ANO3: variants seen among roughly 807,000 people sequenced by gnomAD.
ANO3 encodes anoctamin-3.
Under a neutral mutation model 144.8 loss-of-function variants are expected in ANO3, and 99 were observed. The ratio of observed to expected loss-of-function variants is 0.68; its 90% CI spans 0.58 to 0.81. ANO3 has a LOEUF of 0.81. ANO3 is among the 30% of genes least tolerant of loss of function. The probability of loss-of-function intolerance (pLI) is 0.00; values close to 1 mark genes in which losing one functional copy is unlikely to be tolerated. For synonymous variants in ANO3, 414 were observed against 392.6 expected (o/e 1.05, Z -0.64); for missense variants, 905 against 1,202.2 (o/e 0.75, Z 3.66).
intron 1 of ANO3, among the ~76,000 whole-genome samples, chr11:26,247,635 G>C (rs1157165641): frequency 6.6e-6 from 1 of 151,024 alleles, no homozygotes; most frequent in African/African-American, 2.4e-5. Context: ...TTCAATTACT[G>C]TCTCTGTCTG....
rs920650469 is a variant in ANO3, at chr11:26,660,754, A to G, written c.*310A>G. On this transcript the variant is annotated 3_prime_UTR_variant, in exon 27 of 27. Transcript: ENST00000256737. ...TTCCATCAACTGCAGTGTAATGGGA[A>G]AGAGGGTGGTGAGGTTTTGAAAGAC... 2.3e-5 allele frequency: 6 copies of G among 258,830 alleles called. No homozygotes were observed. The highest frequency in any genetic ancestry group is 1.1e-3 in the Middle Eastern group (1 of 912). 16.0% of individuals were successfully genotyped at this position (258,830 alleles called of 1,614,324 possible).
intron 1 of ANO3, among the ~76,000 whole-genome samples, chr11:26,350,232 G>T (rs1855609339): frequency 1.3e-5 from 2 of 152,244 alleles, no homozygotes; most frequent in African/African-American, 4.8e-5. Context: ...CCTTTGGGAG[G>T]CATGAGTGAA....
chr11:26,442,830 G>A (rs142132129), intron 2 of ANO3, among the ~76,000 whole-genome samples: 347 of 152,256 alleles, frequency 2.3e-3, no homozygotes, highest in African/African-American at 7.6e-3. Context: ...GCAGTGGGAC[G>A]ATGTCGGCTC....
In ANO3 at chr11:26,248,564, A is replaced by G. The variant is rs114973051; in HGVS notation, c.154+59234A>G. Among the ~76,000 whole-genome samples, 1,339 of 152,282 alleles carry G rather than the reference A, an allele frequency of 8.8e-3. 20 individuals are homozygous for G. Among genetic ancestry groups the G allele is most frequent in the African/African-American group, 0.031 (1,285 of 41,556 alleles). Reference sequence around the variant, plus strand: ...ATTCATTACAACAAAAGACAAAAAGATTCCCTTTCAAGGAATCTTTTCAAC... The same window carrying G: ...ATTCATTACAACAAAAGACAAAAAGGTTCCCTTTCAAGGAATCTTTTCAAC... On this transcript the variant is annotated intron_variant, in intron 1 of 27. Transcript: ENST00000672621.
At chr11:26,413,142 A>G (rs1342081418) in intron 1 of ANO3, among the ~76,000 whole-genome samples, 2 of 152,008 alleles carry the variant, frequency 1.3e-5, no homozygotes, top group Non-Finnish European at 2.9e-5. Context: ...TATATTTACC[A>G]GTAGTACTGT....
At chr11:26,554,564 C>G (rs979983041) in intron 13 of ANO3, among the ~76,000 whole-genome samples, 1 of 152,052 alleles carries the variant, frequency 6.6e-6, no homozygotes, top group Non-Finnish European at 1.5e-5. Flanking sequence ...TATGAGAATT[C>G]CAGTTTTCTG....
chr11:26,415,993 T>G (rs1334614406), intron 1 of ANO3, among the ~76,000 whole-genome samples: 1 of 152,134 alleles, frequency 6.6e-6, no homozygotes, highest in Non-Finnish European at 1.5e-5. Flanking sequence ...CTTATTGTTT[T>G]CAGTTTGATA....
intron 1 of ANO3, among the ~76,000 whole-genome samples, chr11:26,336,696 A>G (rs1855202649): frequency 6.6e-6 from 1 of 152,058 alleles, no homozygotes. Flanking sequence ...CCTAACTGAC[A>G]TCCTTACAAT....
intron 7 of ANO3, among the ~76,000 whole-genome samples, chr11:26,530,478 TATCTATCTATCTATCTATCTATC>T (rs758072622): frequency 0.16 from 13,816 of 86,162 alleles, 798 homozygotes; most frequent in Middle Eastern, 0.27. Context: ...TCTATCTATC[TATCTATCTATCTATCTATCTATC>T]ATCTATCTAT....
chr11:26,598,535 T>G, intron 15 of ANO3, 88 bp downstream of exon 15: 1 of 892,084 alleles, frequency 1.1e-6, no homozygotes, highest in Non-Finnish European at 1.7e-6. Flanking sequence ...CTGGAAGCAG[T>G]TAACCACCAT....
chr11:26,414,838 T>G (rs1857534367), intron 1 of ANO3, among the ~76,000 whole-genome samples: 1 of 152,032 alleles, frequency 6.6e-6, no homozygotes, highest in African/African-American at 2.4e-5. Context: ...TTTTTTGTTT[T>G]CAATGATAAG....
chr11:26,415,741 A>C (rs1017340523), intron 1 of ANO3, among the ~76,000 whole-genome samples: 6 of 152,138 alleles, frequency 3.9e-5, no homozygotes, highest in African/African-American at 1.2e-4. Context: ...AAATACAGCC[A>C]GGCACATGTT....
intron 14 of ANO3, among the ~76,000 whole-genome samples, chr11:26,585,182 C>G (rs1219719995): frequency 1.3e-5 from 2 of 152,144 alleles, no homozygotes; most frequent in Admixed American, 6.5e-5. Flanking sequence ...AGGCAGCACA[C>G]ATTTCTTTGT....
intron 11 of ANO3, among the ~76,000 whole-genome samples, chr11:26,545,320 A>G (rs1259913723): frequency 1.3e-5 from 2 of 152,054 alleles, no homozygotes; most frequent in Non-Finnish European, 2.9e-5. Flanking sequence ...GTTCCTTAGT[A>G]GTGGATGGAA....
chr11:26,607,657 G>A (rs1424309218), intron 17 of ANO3, among the ~76,000 whole-genome samples: 1 of 152,160 alleles, frequency 6.6e-6, no homozygotes, highest in African/African-American at 2.4e-5. Flanking sequence ...CTCTTTGTAG[G>A]TCTCTAAGAA....
At chr11:26,397,752 C>A (rs1445507721) in intron 1 of ANO3, among the ~76,000 whole-genome samples, 1 of 151,884 alleles carries the variant, frequency 6.6e-6, no homozygotes, top group Non-Finnish European at 1.5e-5. Context: ...ATAAAAATGC[C>A]CACTGTAGTG....
At chr11:26,438,611 A>AAAAAAAAAAAAAAAAAAAAAAG (rs1858389741) in intron 1 of ANO3, among the ~76,000 whole-genome samples, 7 of 35,508 alleles carry the variant, frequency 2.0e-4, no homozygotes, top group Non-Finnish European at 4.1e-4. Context: ...AAAAAAAAGA[A>AAAAAAAAAAAAAAAAAAAAAAG]AAAAAAAAAA....
Position 26,202,328 on chromosome 11 carries a change from G to T in ANO3, c.154+12998G>T, listed in dbSNP as rs963542895. Among the ~76,000 whole-genome samples, 661 of 143,586 alleles carry T rather than the reference G, an allele frequency of 4.6e-3. 3 individuals are homozygous for T. The highest frequency in any genetic ancestry group is 8.8e-3 in the Admixed American group (123 of 14,054). 94.2% of individuals were successfully genotyped at this position (143,586 alleles called of 152,430 possible). On this transcript the variant is annotated intron_variant, in intron 1 of 27. Transcript: ENST00000672621. ...TTATATATATCATATAGATACATAT[G>T]ATATATATAATATAGATTATTATAT...
intron 1 of ANO3, among the ~76,000 whole-genome samples, chr11:26,372,312 T>G (rs1313087006): frequency 6.6e-6 from 1 of 152,170 alleles, no homozygotes; most frequent in African/African-American, 2.4e-5. Context: ...TCCTGAGGCC[T>G]CCCCAGCTAT....
Sources: gnomAD v4.1 joint callset for allele counts (sites outside exome capture counted in the v4.1 genomes callset) on GRCh38, gnomAD v4.1.1 for gene constraint, MANE v1.5 for transcripts, NCBI Gene and HGNC (gene_info 2026-07-23, HGNC 2026-07-21) for gene names.